Variants in PODXL observed in about 807,000 individuals in gnomAD.
PODXL encodes the protein podocalyxin.
PODXL carries 20 observed loss-of-function variants against 48.9 expected under a neutral mutation model. That is an observed-to-expected ratio of 0.41 (90% CI 0.29 to 0.59). The LOEUF is 0.59. Ranked by LOEUF, PODXL falls within the 20% of genes least tolerant of loss-of-function variation. The pLI is 0.31. For missense variants in PODXL, 606 were observed against 675.1 expected (o/e 0.90, Z 1.13); for synonymous variants, 295 against 287.4 (o/e 1.03, Z -0.27).
chr7:131,512,449 G>A (rs1797929386), intron 1 of PODXL, among the ~76,000 whole-genome samples: 1 of 152,148 alleles, frequency 6.6e-6, no homozygotes, highest in Non-Finnish European at 1.5e-5. Context: ...GTTAAGCTAA[G>A]CCCTGAAGGA....
intron 1 of PODXL, among the ~76,000 whole-genome samples, chr7:131,552,845 G>A (rs1225925229): frequency 6.6e-6 from 1 of 152,090 alleles, no homozygotes; most frequent in East Asian, 1.9e-4. Context: ...GGAGAGCAGT[G>A]GCGTGATCTT....
intron 1 of PODXL, among the ~76,000 whole-genome samples, chr7:131,552,010 G>T (rs1798676291): frequency 6.6e-6 from 1 of 151,718 alleles, no homozygotes; most frequent in African/African-American, 2.4e-5. Context: ...AGCATCACAG[G>T]GGTCACCAGC....
At chr7:131,548,298 C>T (rs923402736) in intron 1 of PODXL, among the ~76,000 whole-genome samples, 4 of 152,252 alleles carry the variant, frequency 2.6e-5, no homozygotes, top group Admixed American at 1.3e-4. Flanking sequence ...ATTTGCCAGT[C>T]ACCTACTCCA....
chr7:131,535,904 A>G (rs1306559917), intron 1 of PODXL, among the ~76,000 whole-genome samples: 1 of 152,134 alleles, frequency 6.6e-6, no homozygotes, highest in African/African-American at 2.4e-5. Flanking sequence ...TAGGACTACA[A>G]GTGCTTACCA....
intron 1 of PODXL, among the ~76,000 whole-genome samples, chr7:131,523,562 A>G (rs987337132): frequency 2.1e-4 from 32 of 150,586 alleles, no homozygotes; most frequent in East Asian, 2.0e-4. Context: ...GGCACCTGTA[A>G]TCTCAGCTAC....
intron 4 of PODXL, 58 bp from the exon 5 acceptor site, chr7:131,509,086 T>TC: frequency 1.4e-6 from 2 of 1,428,166 alleles, no homozygotes; most frequent in African/African-American, 1.4e-5. Context: ...CTTTGACATT[T>TC]CCCCCCAACT....
chr7:131,515,408 AT>A (rs953423610), intron 1 of PODXL, among the ~76,000 whole-genome samples: 3 of 150,284 alleles, frequency 2.0e-5, no homozygotes, highest in Admixed American at 6.6e-5. Context: ...GACCTAGAGA[AT>A]TTTTTTTTTG....
rs145924173 is a variant in PODXL at position 131,550,785 on chromosome 7, GCA to G, written c.100+5473_100+5474del. ...CGCACATGCACACACATACATGCAC[GCA>G]CACACACACACACGCACACACACGT... On this transcript the variant is annotated intron_variant, in intron 1 of 8. Coordinates refer to ENST00000378555, the MANE Select transcript of PODXL (RefSeq NM_001018111.3). 4.2e-3 allele frequency among the ~76,000 whole-genome samples: 640 copies of G among 150,640 alleles called. 5 individuals are homozygous for G. The highest frequency in any genetic ancestry group is 0.014 in the African/African-American group (560 of 41,152).
intron 1 of PODXL, among the ~76,000 whole-genome samples, chr7:131,527,331 C>T (rs1000829794): frequency 6.6e-6 from 1 of 152,116 alleles, no homozygotes; most frequent in Non-Finnish European, 1.5e-5. Flanking sequence ...AACAAGAACA[C>T]TCATACGGTT....
intron 1 of PODXL, among the ~76,000 whole-genome samples, chr7:131,516,366 C>T (rs1350190070): frequency 2.0e-5 from 3 of 152,146 alleles, no homozygotes; most frequent in South Asian, 2.1e-4. Context: ...TGGTGAAACC[C>T]CGTCTCTACT....
At chr7:131,516,736 CTTTTT>C (rs58722955) in intron 1 of PODXL, among the ~76,000 whole-genome samples, 4 of 125,638 alleles carry the variant, frequency 3.2e-5, no homozygotes, top group Admixed American at 9.3e-5. Context: ...TTTTTTTTCT[CTTTTT>C]TTTTTTTTTT....
intron 1 of PODXL, among the ~76,000 whole-genome samples, chr7:131,526,034 A>G (rs868395297): frequency 2.6e-5 from 4 of 152,222 alleles, no homozygotes; most frequent in Admixed American, 6.5e-5. Flanking sequence ...ATCTGGAAGC[A>G]GTGACAAACC....
intron 1 of PODXL, among the ~76,000 whole-genome samples, chr7:131,513,041 A>G (rs1432583479): frequency 6.6e-6 from 1 of 152,000 alleles, no homozygotes; most frequent in African/African-American, 2.4e-5. Context: ...AGAAGGAGAC[A>G]TAAGATCATA....
intron 8 of PODXL, among the ~76,000 whole-genome samples, chr7:131,505,379 ACT>A (rs1797780282): frequency 6.6e-6 from 1 of 152,088 alleles, no homozygotes; most frequent in Admixed American, 6.5e-5. Flanking sequence ...AGGCGTGGTG[ACT>A]CACACCTGTA....
At chr7:131,548,569 G>A (rs1180634509) in intron 1 of PODXL, among the ~76,000 whole-genome samples, 1 of 152,186 alleles carries the variant, frequency 6.6e-6, no homozygotes, top group Non-Finnish European at 1.5e-5. Flanking sequence ...CAGCCACCTT[G>A]GACCACGAGG....
chr7:131,549,289 G>A (rs1209117459), intron 1 of PODXL, among the ~76,000 whole-genome samples: 1 of 152,156 alleles, frequency 6.6e-6, no homozygotes. Context: ...ATGATCTACT[G>A]CAAGTCCTTG....
intron 1 of PODXL, among the ~76,000 whole-genome samples, chr7:131,537,926 T>C (rs1458111878): frequency 6.6e-6 from 1 of 152,160 alleles, no homozygotes; most frequent in Non-Finnish European, 1.5e-5. Flanking sequence ...AGTGGAGGAC[T>C]CTATTGTGTG....
rs1237265363 is a variant in PODXL, at chr7:131,556,260, C to T, written c.100G>A (p.Ala34Thr). The T allele has an allele frequency of 1.4e-6, 2 of 1,468,564 alleles. No individual in the cohort carries two copies. The highest frequency in any genetic ancestry group is 1.8e-6 in the Non-Finnish European group (2 of 1,114,808). The allele number at this position is 1,468,564 out of a possible 1,614,324, so 91.0% of individuals were successfully genotyped here. A position where few individuals can be genotyped will look rare whatever the true frequency, so the allele number is the denominator to read the frequency against. ...GGCGGAACCCAGGCCGGCCACTCACCATTCTGGGAGGGCGACGGCGACGGC... is the reference window on the plus strand; with the variant it reads ...GGCGGAACCCAGGCCGGCCACTCACTATTCTGGGAGGGCGACGGCGACGGC... Reference protein sequence around the residue: ...PSPSPSPSQNATQTTTDSSNK... With the variant: ...PSPSPSPSQNTTQTTTDSSNK... Residue 34 changes from alanine (A) to threonine (T), a missense_variant and splice_region_variant, in exon 1 of 9, where the codon GCA becomes ACA. Ala to Thr is a moderately conservative substitution (Grantham distance 58). Transcript: ENST00000378555.
chr7:131,556,483 T>A lies in PODXL; in HGVS notation c.-124A>T. ...GTGGGTGGCTCCGGAGGCCAGGCTG[T>A]GGCCCGGGGCTCCCGAGTCGCGCTG... On this transcript the variant is annotated 5_prime_UTR_variant, in exon 1 of 9. Transcript: ENST00000378555. The A allele has an allele frequency of 8.7e-7, 1 of 1,154,540 alleles. No individual in the cohort carries two copies. Among genetic ancestry groups the A allele is most frequent in the Non-Finnish European group, 1.1e-6 (1 of 912,328 alleles). The allele number at this position is 1,154,540 out of a possible 1,614,324, so 71.5% of individuals were successfully genotyped here.
Sources: allele counts gnomAD v4.1 joint callset (sites outside exome capture counted in the v4.1 genomes callset), GRCh38; gene constraint gnomAD v4.1.1; transcripts MANE v1.5; gene names NCBI Gene and HGNC (gene_info 2026-07-23, HGNC 2026-07-21).